Variants in CDCP2 observed in about 807,000 individuals in gnomAD.
CDCP2 encodes CUB domain-containing protein 2.
Under a neutral mutation model 31.0 loss-of-function variants are expected in CDCP2, and 31 were observed. The ratio of observed to expected loss-of-function variants is 1.00; its 90% CI spans 0.75 to 1.35. The LOEUF (loss-of-function observed/expected upper bound fraction) is 1.35, where lower values mean the gene tolerates loss of function less well. CDCP2 is among the 40% of genes most tolerant of loss of function. The probability of loss-of-function intolerance (pLI) is 0.00; values close to 1 mark genes in which losing one functional copy is unlikely to be tolerated. For missense variants in CDCP2, 443 were observed against 482.6 expected, an observed-to-expected ratio of 0.92 and a Z score of 0.77; for synonymous variants, 206 against 207.9, an observed-to-expected ratio of 0.99 and a Z score of 0.08.
chr1:54,151,286 G>A (rs1183438149), intron 1 of CDCP2, among the ~76,000 whole-genome samples: 2 of 152,200 alleles, frequency 1.3e-5, no homozygotes, highest in African/African-American at 2.4e-5. Context: ...GGGCTGCACA[G>A]ATGCACATTA....
chr1:54,149,734 G>A (rs563187363), intron 1 of CDCP2, among the ~76,000 whole-genome samples: 3 of 152,294 alleles, frequency 2.0e-5, no homozygotes, highest in South Asian at 4.1e-4. Flanking sequence ...ATGAGAGCAA[G>A]GATTTCTGTG....
At chr1:54,135,329 CT>C (rs1480218606) in intron 5 of CDCP2, among the ~76,000 whole-genome samples, 7 of 152,178 alleles carry the variant, frequency 4.6e-5, no homozygotes, top group African/African-American at 7.2e-5. Context: ...ATTGGCATTA[CT>C]TTTTATTGCT....
rs1557706926 is a variant in CDCP2, at chr1:54,141,236, GC to G, written c.624del (p.Pro209LeufsTer102). ...TAGTGGTGCCCACGGGTGGGGCCAG[GC>G]CCCCCAAGCACAGCCACGTAGTCAT... On this transcript the variant is annotated frameshift_variant, in exon 3 of 6. Transcript: ENST00000530059. LOFTEE classifies it high-confidence loss of function. 1.9e-6 allele frequency: 3 copies of G among 1,613,794 alleles called. No homozygotes were observed. The highest frequency in any genetic ancestry group is 2.2e-5 in the South Asian group (2 of 91,080).
At chr1:54,136,198 G>A (rs1659256576) in intron 5 of CDCP2, among the ~76,000 whole-genome samples, 1 of 152,178 alleles carries the variant, frequency 6.6e-6, no homozygotes, top group Admixed American at 6.5e-5. Flanking sequence ...CTCCCACACA[G>A]CTCTGCATAC....
At chr1:54,144,016 A>G (rs33981514) in intron 2 of CDCP2, 81,719 of 153,012 alleles carry the variant, frequency 0.53, 23,021 homozygotes, top group Non-Finnish European at 0.64. Flanking sequence ...CCCCAACAGC[A>G]GTGGTGTCCT....
chr1:54,144,863 A>AC (rs1352412212), intron 1 of CDCP2, 50 bp from the exon 2 acceptor site: 1 of 1,463,272 alleles, frequency 6.8e-7, no homozygotes, highest in African/African-American at 1.4e-5. Flanking sequence ...GGTCTTGGGT[A>AC]CATGTGGTAA....
chr1:54,146,364 G>A (rs1659470982), intron 1 of CDCP2, among the ~76,000 whole-genome samples: 1 of 151,668 alleles, frequency 6.6e-6, no homozygotes, highest in Non-Finnish European at 1.5e-5. Flanking sequence ...ATTTTTAGTA[G>A]AGACAGGGTT....
intron 2 of CDCP2, chr1:54,143,771 A>C (rs1220788826): frequency 6.6e-6 from 1 of 152,232 alleles, no homozygotes; most frequent in Non-Finnish European, 1.5e-5. Context: ...GGGAGGAAGC[A>C]GGAGATTTGA....
At chr1:54,140,514 C>T (rs1035412010) in intron 3 of CDCP2, 1 of 280,184 alleles carries the variant, frequency 3.6e-6, no homozygotes. Flanking sequence ...ACCAAACACT[C>T]TCTGCCCTCC....
intron 1 of CDCP2, among the ~76,000 whole-genome samples, chr1:54,149,479 G>A (rs1659538385): frequency 6.7e-6 from 1 of 149,406 alleles, no homozygotes; most frequent in African/African-American, 2.6e-5. Context: ...GGGATTCATT[G>A]TATGATTTTC....
At chr1:54,133,376 CA>C (rs1316629115) in intron 5 of CDCP2, 82 bp from the exon 6 acceptor site, 54 of 398,020 alleles carry the variant, frequency 1.4e-4, no homozygotes, top group African/African-American at 1.0e-3. Flanking sequence ...TTCTCAGTAC[CA>C]GGGGGGCAGA....
upstream of CDCP2, chr1:54,152,976 A>C: frequency 3.4e-5 from 52 of 1,546,154 alleles, no homozygotes; most frequent in Non-Finnish European, 4.2e-5. Context: ...CCAGGATCTC[A>C]GGGTCCGGAG....
intron 2 of CDCP2, chr1:54,143,724 TTG>T (rs1659413078): frequency 6.6e-6 from 1 of 152,186 alleles, no homozygotes; most frequent in Non-Finnish European, 1.5e-5. Context: ...TGTCTACTGT[TTG>T]AGTTAACATC....
chr1:54,135,632 T>C (rs898852774), intron 5 of CDCP2, among the ~76,000 whole-genome samples: 3 of 152,044 alleles, frequency 2.0e-5, no homozygotes, highest in Non-Finnish European at 4.4e-5. Flanking sequence ...TTATGGAATG[T>C]GGTTCTGTCC....
At chr1:54,138,828 C>A (rs1273174871) in intron 4 of CDCP2, 1 of 152,362 alleles carries the variant, frequency 6.6e-6, no homozygotes, top group East Asian at 1.9e-4. Flanking sequence ...TCCCTCTCAG[C>A]ACCTCTGTTG....
chr1:54,139,099 T>C (rs1356614701), intron 4 of CDCP2: 1 of 172,082 alleles, frequency 5.8e-6, no homozygotes. Flanking sequence ...TGAGAGGTTC[T>C]AGAGATGCTT....
chr1:54,148,815 G>A (rs1206168348), intron 1 of CDCP2, among the ~76,000 whole-genome samples: 1 of 151,442 alleles, frequency 6.6e-6, no homozygotes, highest in African/African-American at 2.4e-5. Flanking sequence ...AGGATCACCT[G>A]AGGCCAGGAG....
chr1:54,147,901 G>T (rs1659503529), intron 1 of CDCP2, among the ~76,000 whole-genome samples: 1 of 151,368 alleles, frequency 6.6e-6, no homozygotes, highest in Non-Finnish European at 1.5e-5. Flanking sequence ...GGTCCCAGCT[G>T]CTTGGGAGGC....
At chr1:54,150,815 G>A (rs1353290844) in intron 1 of CDCP2, among the ~76,000 whole-genome samples, 1 of 152,146 alleles carries the variant, frequency 6.6e-6, no homozygotes, top group African/African-American at 2.4e-5. Flanking sequence ...TCTGTCACTT[G>A]CAACCAAAAG....
Sources: gnomAD v4.1 joint callset for allele counts (sites outside exome capture counted in the v4.1 genomes callset) on GRCh38, gnomAD v4.1.1 for gene constraint, MANE v1.5 for transcripts, NCBI Gene and HGNC (gene_info 2026-07-23, HGNC 2026-07-21) for gene names.